COBLL1: variants seen among roughly 807,000 people sequenced by gnomAD.
COBLL1 encodes the protein cordon-bleu WH2 repeat protein like 1.
Under a neutral mutation model 94.8 loss-of-function variants are expected in COBLL1, and 50 were observed. The observed-to-expected ratio is 0.53, with a 90% confidence interval of 0.42 to 0.67. The LOEUF (loss-of-function observed/expected upper bound fraction) is 0.67. Ranked by LOEUF, COBLL1 falls within the 30% of genes least tolerant of loss-of-function variation. COBLL1 has a pLI of 0.00. For missense variants in COBLL1, 1,362 were observed against 1,348.7 expected (o/e 1.01, Z -0.15); for synonymous variants, 448 against 473.8 (o/e 0.95, Z 0.71).
chr2:164,673,651 G>A (rs1314265201), intron 1 of COBLL1, among the ~76,000 whole-genome samples: 1 of 152,034 alleles, frequency 6.6e-6, no homozygotes, highest in East Asian at 1.9e-4. Context: ...TGCAGCCTGG[G>A]TGAAAGAGAC....
intron 2 of COBLL1, among the ~76,000 whole-genome samples, chr2:164,767,823 T>C (rs1352976318): frequency 6.6e-6 from 1 of 152,106 alleles, no homozygotes; most frequent in African/African-American, 2.4e-5. Context: ...TTACATTGTA[T>C]GTATATAATA....
At chr2:164,810,564 G>T (rs891994854) in intron 2 of COBLL1, among the ~76,000 whole-genome samples, 2 of 151,484 alleles carry the variant, frequency 1.3e-5, no homozygotes, top group Non-Finnish European at 3.0e-5. Context: ...CAAAAGAGTT[G>T]ATTCTTTTGG....
At chr2:164,679,288 C>T (rs1332173908), downstream of COBLL1, among the ~76,000 whole-genome samples, 1 of 152,074 alleles carries the variant, frequency 6.6e-6, no homozygotes, top group African/African-American at 2.4e-5. Context: ...AATTACCAGC[C>T]ATCCATCAGG....
intron 1 of COBLL1, among the ~76,000 whole-genome samples, chr2:164,671,453 T>C (rs1448872858): frequency 3.3e-5 from 5 of 152,116 alleles, no homozygotes; most frequent in African/African-American, 1.2e-4. Flanking sequence ...CAAAAACAAA[T>C]AGACTCATAA....
At chr2:164,692,447 G>C in intron 12 of COBLL1, 50 bp from the exon 13 acceptor site, 1 of 1,441,658 alleles carries the variant, frequency 6.9e-7, no homozygotes. Context: ...AAAAGAATGG[G>C]CCATTTTTTG....
intron 13 of COBLL1, among the ~76,000 whole-genome samples, 191 bp from the exon 14 acceptor site, chr2:164,686,223 T>C (rs570334974): frequency 1.3e-5 from 2 of 152,316 alleles, no homozygotes; most frequent in South Asian, 4.1e-4. Flanking sequence ...GTCGTTATTT[T>C]CACAACAAAT....
At chr2:164,780,807 C>A (rs1029460776) in intron 2 of COBLL1, among the ~76,000 whole-genome samples, 1 of 152,270 alleles carries the variant, frequency 6.6e-6, no homozygotes, top group Admixed American at 6.5e-5. Context: ...GGGTAGGCGA[C>A]AGACAGAGTG....
intron 7 of COBLL1, among the ~76,000 whole-genome samples, chr2:164,712,172 T>C (rs1053874900): frequency 1.3e-5 from 2 of 152,180 alleles, no homozygotes; most frequent in Non-Finnish European, 2.9e-5. Flanking sequence ...TACTAGTTAT[T>C]AGATCACTTA....
chr2:164,671,558 T>A (rs569480219), intron 1 of COBLL1, among the ~76,000 whole-genome samples: 1 of 152,330 alleles, frequency 6.6e-6, no homozygotes, highest in African/African-American at 2.4e-5. Context: ...CCATGACCCA[T>A]CCCTAAGGCT....
intron 2 of COBLL1, among the ~76,000 whole-genome samples, chr2:164,818,784 ATAT>A (rs1685016500): frequency 9.8e-6 from 1 of 102,564 alleles, no homozygotes; most frequent in Non-Finnish European, 2.2e-5. Context: ...ATATATATAC[ATAT>A]AATTTTTTTT....
intron 12 of COBLL1, chr2:164,692,625 G>A: frequency 2.5e-6 from 1 of 396,566 alleles, no homozygotes; most frequent in Admixed American, 4.3e-5. Flanking sequence ...GAAGAAAAGT[G>A]GTACCACTCT....
At chr2:164,765,710 C>T (rs537216119) in intron 2 of COBLL1, among the ~76,000 whole-genome samples, 5 of 152,138 alleles carry the variant, frequency 3.3e-5, no homozygotes, top group South Asian at 4.2e-4. Flanking sequence ...AAATCTTATG[C>T]TCTATGGTAT....
At chr2:164,691,249 GC>G (rs962635867) in intron 13 of COBLL1, among the ~76,000 whole-genome samples, 4 of 152,092 alleles carry the variant, frequency 2.6e-5, no homozygotes, top group Non-Finnish European at 4.4e-5. Context: ...TGGTTGAAAG[GC>G]CCGGAAAGCC....
intron 2 of COBLL1, among the ~76,000 whole-genome samples, chr2:164,753,550 G>A (rs756652679): frequency 2.0e-5 from 3 of 151,860 alleles, no homozygotes; most frequent in Non-Finnish European, 4.4e-5. Context: ...CCTTTCTTTT[G>A]CAGCAAAACT....
At chr2:164,755,850 T>C (rs1380932117) in intron 2 of COBLL1, among the ~76,000 whole-genome samples, 1 of 152,202 alleles carries the variant, frequency 6.6e-6, no homozygotes, top group Non-Finnish European at 1.5e-5. Context: ...TTTTCATGTA[T>C]ATATAAAAAA....
At chr2:164,700,808 C>T (rs6712203) in intron 9 of COBLL1, 52 bp from the exon 10 acceptor site, 394,018 of 1,082,006 alleles carry the variant, frequency 0.36, 78,661 homozygotes, top group African/African-American at 0.7. Flanking sequence ...TCATTCATCA[C>T]ATGCAATTCT....
chr2:164,692,349 T>G lies in COBLL1; in HGVS notation c.3172A>C (p.Thr1058Pro). 1 of 1,613,264 alleles carries G rather than the reference T, an allele frequency of 6.2e-7. No individual in the cohort carries two copies. The highest frequency in any genetic ancestry group is 8.5e-7 in the Non-Finnish European group (1 of 1,179,480). The change falls in exon 13 of 14, where the codon ACT becomes CCT. Residue 1058 changes from threonine to proline, a missense_variant. Coordinates refer to ENST00000652658, the MANE Select transcript of COBLL1 (RefSeq NM_001365672.2). ...ATAACAGTGAATGATGGGCCATCAG[T>G]TGGAGTTGGTATTTGGGAATTCTGT... ...NEQNSQIPTP[T>P]DGPSFTVMRQ... is the part of the protein sequence containing the mutation.
intron 7 of COBLL1, among the ~76,000 whole-genome samples, chr2:164,705,848 A>T (rs1684562863): frequency 1.3e-5 from 2 of 152,182 alleles, no homozygotes. Flanking sequence ...AGCCTGGCCA[A>T]CGTAGTGAAA....
At chr2:164,806,448 T>C (rs990056046) in intron 2 of COBLL1, among the ~76,000 whole-genome samples, 2 of 152,216 alleles carry the variant, frequency 1.3e-5, no homozygotes, top group Non-Finnish European at 2.9e-5. Flanking sequence ...GGCTTCTTTT[T>C]CATTTTGTGC....
Sources: allele counts gnomAD v4.1 joint callset (sites outside exome capture counted in the v4.1 genomes callset), GRCh38; gene constraint gnomAD v4.1.1; transcripts MANE v1.5; gene names NCBI Gene and HGNC (gene_info 2026-07-23, HGNC 2026-07-21).